Variants in ADARB2 observed in about 807,000 individuals in gnomAD.
The protein encoded by ADARB2 is inactive double-stranded RNA-specific editase B2.
In ADARB2, 25 loss-of-function variants were observed where a neutral mutation model predicts 62.2. The observed-to-expected ratio is 0.40, with a 90% CI of 0.29 to 0.56. The LOEUF is 0.56. Ranked by LOEUF, ADARB2 falls within the 20% of genes least tolerant of loss-of-function variation. ADARB2 has a pLI of 0.43. For missense variants in ADARB2, 1,071 were observed against 1,077.4 expected (o/e 0.99, Z 0.08); for synonymous variants, 572 against 500.8 (o/e 1.14, Z -1.90).
chr10:1,514,178 A>T (rs1209123410), intron 1 of ADARB2, among the ~76,000 whole-genome samples: 4 of 94,156 alleles, frequency 4.2e-5, no homozygotes, highest in African/African-American at 6.9e-5. Flanking sequence ...GCTGTCTCAA[A>T]ATATATATAT....
At chr10:1,448,708 C>A (rs1830999923) in intron 1 of ADARB2, among the ~76,000 whole-genome samples, 1 of 152,170 alleles carries the variant, frequency 6.6e-6, no homozygotes, top group Admixed American at 6.5e-5. Flanking sequence ...CTCAGTCCAG[C>A]AGCTAAGCAG....
At chr10:1,715,024 C>T (rs1436873639) in intron 1 of ADARB2, among the ~76,000 whole-genome samples, 1 of 139,004 alleles carries the variant, frequency 7.2e-6, no homozygotes, top group Admixed American at 7.4e-5. Context: ...CACAACAGTC[C>T]CCGGTGTGTG....
chr10:1,676,787 T>TA (rs1834471614), intron 1 of ADARB2, among the ~76,000 whole-genome samples: 1 of 151,674 alleles, frequency 6.6e-6, no homozygotes, highest in South Asian at 2.1e-4. Flanking sequence ...TCATTTTAAT[T>TA]TTTTTTAAGA....
intron 1 of ADARB2, among the ~76,000 whole-genome samples, chr10:1,581,103 G>T (rs182167239): frequency 6.6e-6 from 1 of 152,214 alleles, no homozygotes; most frequent in Non-Finnish European, 1.5e-5. Context: ...GCTGGAATAC[G>T]TGGTGAAAAT....
In ADARB2 at chr10:1,571,301, A is replaced by G. The variant is rs1016609858; in HGVS notation, c.100+165750T>C. Among the ~76,000 whole-genome samples, 6 of 151,028 alleles carry G rather than the reference A, an allele frequency of 4.0e-5. No homozygotes were observed. The East Asian group carries it at 1.2e-3, about 29-fold the overall frequency. ...CTATTTTTACTTTTTTTTTTTTAAAAAAAGCCTGTATGACAGGTTTTGTTT... is the reference window on the plus strand; with the variant it reads ...CTATTTTTACTTTTTTTTTTTTAAAGAAAGCCTGTATGACAGGTTTTGTTT... On this transcript the variant is annotated intron_variant, in intron 1 of 9. Coordinates refer to ENST00000381312, the MANE Select transcript of ADARB2 (RefSeq NM_018702.4).
chr10:1,474,297 G>T (rs1588270849), intron 1 of ADARB2, among the ~76,000 whole-genome samples: 1 of 152,310 alleles, frequency 6.6e-6, no homozygotes, highest in East Asian at 1.9e-4. Flanking sequence ...GGCCCTCTGG[G>T]ACGGCATGGC....
chr10:1,574,959 G>A (rs1445131773), intron 1 of ADARB2, among the ~76,000 whole-genome samples: 2 of 30,842 alleles, frequency 6.5e-5, no homozygotes, highest in East Asian at 9.4e-4. Flanking sequence ...CAGCGATTCA[G>A]GGGCTGAGTT....
At chr10:1,565,922 T>C (rs543687306) in intron 1 of ADARB2, among the ~76,000 whole-genome samples, 1 of 152,220 alleles carries the variant, frequency 6.6e-6, no homozygotes, top group East Asian at 1.9e-4. Context: ...CTATCAGCCA[T>C]CACCGTCTCA....
intron 7 of ADARB2, among the ~76,000 whole-genome samples, chr10:1,209,447 G>GCCCACA (rs1837115996): frequency 1.6e-5 from 2 of 124,310 alleles, no homozygotes; most frequent in Admixed American, 1.5e-4. Flanking sequence ...CTACAGCCTG[G>GCCCACA]CCCACACCCA....
chr10:1,327,877 T>TCCC (rs1831888688), intron 3 of ADARB2, among the ~76,000 whole-genome samples: 1 of 46,384 alleles, frequency 2.2e-5, no homozygotes, highest in African/African-American at 7.4e-5. Context: ...TCCTCACAGC[T>TCCC]CAGCGCCTCC....
intron 3 of ADARB2, among the ~76,000 whole-genome samples, chr10:1,273,772 C>T (rs1831287307): frequency 6.6e-6 from 1 of 152,210 alleles, no homozygotes; most frequent in Admixed American, 6.5e-5. Flanking sequence ...ATAAGCAGCC[C>T]CACCACAGGC....
chr10:1,692,517 A>G (rs1236482756), intron 1 of ADARB2, among the ~76,000 whole-genome samples: 1 of 152,182 alleles, frequency 6.6e-6, no homozygotes, highest in Non-Finnish European at 1.5e-5. Context: ...TGCTCAAGGC[A>G]TAGAATGTTA....
intron 4 of ADARB2, among the ~76,000 whole-genome samples, chr10:1,258,913 AGCAAAT>A (rs1831106009): frequency 6.6e-6 from 1 of 152,234 alleles, no homozygotes; most frequent in South Asian, 2.1e-4. Flanking sequence ...AGCACTCCTC[AGCAAAT>A]GTAAAAGAAC....
chr10:1,673,413 T>C (rs1834419118), intron 1 of ADARB2, among the ~76,000 whole-genome samples: 1 of 151,948 alleles, frequency 6.6e-6, no homozygotes, highest in Non-Finnish European at 1.5e-5. Flanking sequence ...TAAAATATCC[T>C]AAATGAACGT....
intron 1 of ADARB2, among the ~76,000 whole-genome samples, chr10:1,732,679 C>T (rs1835248893): frequency 6.6e-6 from 1 of 152,226 alleles, no homozygotes; most frequent in African/African-American, 2.4e-5. Flanking sequence ...GGGCTCCGGC[C>T]GGCGGTGCAG....
In ADARB2 at chr10:1,452,278, T is replaced by C. The variant is rs1831050146; in HGVS notation, c.101-73118A>G. 2.0e-5 allele frequency among the ~76,000 whole-genome samples: 3 copies of C among 152,056 alleles called. No homozygotes were observed. The South Asian group carries it at 6.2e-4, about 32-fold the overall frequency. On this transcript the variant is annotated intron_variant, in intron 1 of 9. Transcript: ENST00000381312. ...CAACTGTCGCACATGTAAATCTAAG[T>C]CCATGGCCCACAAAAATCAGCTCTG...
At chr10:1,212,048 T>G (rs1837160636) in intron 7 of ADARB2, among the ~76,000 whole-genome samples, 1 of 152,180 alleles carries the variant, frequency 6.6e-6, no homozygotes, top group African/African-American at 2.4e-5. Flanking sequence ...CGGCCACGTG[T>G]GTCCTCCTGC....
intron 1 of ADARB2, among the ~76,000 whole-genome samples, chr10:1,503,266 A>G (rs150084422): frequency 1.7e-3 from 251 of 151,996 alleles, no homozygotes; most frequent in African/African-American, 5.0e-3. Flanking sequence ...AGCTCATTTC[A>G]ACGTCTGCCT....
chr10:1,294,375 C>T (rs1299768835), intron 3 of ADARB2, among the ~76,000 whole-genome samples: 2 of 152,156 alleles, frequency 1.3e-5, no homozygotes, highest in African/African-American at 4.8e-5. Context: ...TGACGTGGCT[C>T]CTCACTTACC....
Sources: gnomAD v4.1 joint callset for allele counts (sites outside exome capture counted in the v4.1 genomes callset) on GRCh38, gnomAD v4.1.1 for gene constraint, MANE v1.5 for transcripts, NCBI Gene and HGNC (gene_info 2026-07-23, HGNC 2026-07-21) for gene names.